Variants in LRRTM3 observed in about 807,000 individuals in gnomAD.
LRRTM3 encodes the protein leucine-rich repeat transmembrane neuronal protein 3.
Under a neutral mutation model 44.7 loss-of-function variants are expected in LRRTM3, and 24 were observed. The ratio of observed to expected loss-of-function variants is 0.54; its 90% CI spans 0.39 to 0.76. The LOEUF is 0.76. Ranked by LOEUF, LRRTM3 falls within the 30% of genes least tolerant of loss-of-function variation. The probability of loss-of-function intolerance (pLI) is 0.00; values close to 1 mark genes in which losing one functional copy is unlikely to be tolerated. For missense variants in LRRTM3, 587 were observed against 702.2 expected, an observed-to-expected ratio of 0.84 and a Z score of 1.85; for synonymous variants, 277 against 278.7, an observed-to-expected ratio of 0.99 and a Z score of 0.06.
chr10:67,004,141 A>G (rs1851839532), intron 2 of LRRTM3, among the ~76,000 whole-genome samples: 1 of 152,098 alleles, frequency 6.6e-6, no homozygotes, highest in African/African-American at 2.4e-5. Flanking sequence ...ATGGCTGTGT[A>G]TCAGCCATGT....
chr10:66,957,580 C>A (rs1848892609), intron 2 of LRRTM3, among the ~76,000 whole-genome samples: 1 of 151,602 alleles, frequency 6.6e-6, no homozygotes, highest in African/African-American at 2.4e-5. Context: ...CTGGTGCTTA[C>A]CAGAGCTGTG....
chr10:67,092,311 T>G (rs1357405096), intron 2 of LRRTM3, among the ~76,000 whole-genome samples: 1 of 151,948 alleles, frequency 6.6e-6, no homozygotes, highest in Non-Finnish European at 1.5e-5. Flanking sequence ...AGTAGAGATA[T>G]TTATACATAC....
At chr10:67,006,281 C>G (rs1197944330) in intron 2 of LRRTM3, among the ~76,000 whole-genome samples, 2 of 152,072 alleles carry the variant, frequency 1.3e-5, no homozygotes, top group Non-Finnish European at 2.9e-5. Context: ...CACCACTTAA[C>G]TATTAAGTGG....
At chr10:67,067,851 T>A (rs1745324406) in intron 2 of LRRTM3, among the ~76,000 whole-genome samples, 1 of 152,182 alleles carries the variant, frequency 6.6e-6, no homozygotes. Context: ...ATAAATGCAA[T>A]GAAATATGAC....
intron 2 of LRRTM3, among the ~76,000 whole-genome samples, chr10:66,970,639 C>T (rs1849668998): frequency 1.3e-5 from 2 of 152,008 alleles, no homozygotes; most frequent in South Asian, 2.1e-4. Flanking sequence ...CTCAAATATC[C>T]ATGAAATATA....
Position 67,051,440 on chromosome 10 carries a change from ATCTTTTTTCTTTTT to A in LRRTM3, c.1537-46131_1537-46118del, listed in dbSNP as rs1264400453. 1.3e-4 allele frequency among the ~76,000 whole-genome samples: 19 copies of A among 147,538 alleles called. 1 individual carries two copies. Among genetic ancestry groups the A allele is most frequent in the East Asian group, 4.1e-4 (2 of 4,862 alleles). On this transcript the variant is annotated intron_variant, in intron 2 of 2. Transcript: ENST00000361320. ...GAAATGCTATCTAATTTCCTTACAC[ATCTTTTTTCTTTTT>A]TCTTTTTTCTTTTTTTTTTTTTGGT... is the stretch of plus-strand genomic sequence containing the variant.
intron 2 of LRRTM3, among the ~76,000 whole-genome samples, chr10:67,017,730 TG>T (rs1394256450): frequency 1.8e-5 from 2 of 112,336 alleles, no homozygotes; most frequent in African/African-American, 6.7e-5. Flanking sequence ...ATCATCTGTG[TG>T]TGTGTGTGTG....
chr10:67,001,578 C>G (rs1399102342), intron 2 of LRRTM3, among the ~76,000 whole-genome samples: 1 of 151,902 alleles, frequency 6.6e-6, no homozygotes, highest in Non-Finnish European at 1.5e-5. Context: ...TATAATATAT[C>G]ATTACTATGT....
chr10:67,088,565 G>A (rs944700097), intron 2 of LRRTM3, among the ~76,000 whole-genome samples: 2 of 151,858 alleles, frequency 1.3e-5, no homozygotes, highest in Middle Eastern at 3.2e-3. Context: ...AAATTTGCAA[G>A]ACACCCATAA....
intron 2 of LRRTM3, among the ~76,000 whole-genome samples, chr10:67,093,332 C>T (rs905289044): frequency 6.6e-6 from 1 of 151,818 alleles, no homozygotes; most frequent in Non-Finnish European, 1.5e-5. Flanking sequence ...GGTAGGTTGA[C>T]TAAGTCATTT....
intron 2 of LRRTM3, among the ~76,000 whole-genome samples, chr10:66,970,236 A>T (rs1564802713): frequency 6.6e-6 from 1 of 152,172 alleles, no homozygotes; most frequent in Non-Finnish European, 1.5e-5. Flanking sequence ...TCAAGCATCC[A>T]CAAAAGTTTA....
intron 2 of LRRTM3, among the ~76,000 whole-genome samples, chr10:67,094,206 C>G (rs1857830319): frequency 6.6e-6 from 1 of 151,734 alleles, no homozygotes; most frequent in Admixed American, 6.6e-5. Context: ...AATATCCCTC[C>G]CTTACAAATT....
intron 2 of LRRTM3, among the ~76,000 whole-genome samples, chr10:67,042,639 C>G (rs1033830943): frequency 6.6e-6 from 1 of 150,586 alleles, no homozygotes; most frequent in Non-Finnish European, 1.5e-5. Context: ...AGAGAAGGAA[C>G]GGAGGAAAAG....
intron 2 of LRRTM3, among the ~76,000 whole-genome samples, chr10:67,080,113 G>A (rs1313767746): frequency 1.3e-5 from 2 of 152,150 alleles, no homozygotes; most frequent in East Asian, 1.9e-4. Context: ...AGAACCAGAA[G>A]GGGTGACAGC....
chr10:67,053,029 T>C (rs1235807651), intron 2 of LRRTM3, among the ~76,000 whole-genome samples: 1 of 152,200 alleles, frequency 6.6e-6, no homozygotes, highest in African/African-American at 2.4e-5. Flanking sequence ...AGAGCAGGTA[T>C]AGAAATTTAG....
rs1407608654 is a variant in LRRTM3, at chr10:66,969,033, TAAAC to T, written c.1536+40585_1536+40588del. Reference sequence around the variant, plus strand: ...CTCCATCTCAAAATAAATAAATAAATAAACAAATATTATATGTAAATATATATAT... The same window carrying T: ...CTCCATCTCAAAATAAATAAATAAATAAATATTATATGTAAATATATATAT... On this transcript the variant is annotated intron_variant, in intron 2 of 2. Transcript: ENST00000361320. Among the ~76,000 whole-genome samples the T allele has an allele frequency of 2.6e-5, 4 of 151,856 alleles. No homozygotes were observed. The East Asian group carries it at 7.7e-4, about 29-fold the overall frequency.
At chr10:67,075,541 C>T (rs80004882) in intron 2 of LRRTM3, among the ~76,000 whole-genome samples, 1,696 of 152,318 alleles carry the variant, frequency 0.011, 34 homozygotes, top group African/African-American at 0.038. Context: ...AGACTACATA[C>T]TTGCAGTTCT....
intron 2 of LRRTM3, among the ~76,000 whole-genome samples, chr10:67,031,735 T>C (rs1853741422): frequency 6.6e-6 from 1 of 152,188 alleles, no homozygotes; most frequent in Non-Finnish European, 1.5e-5. Flanking sequence ...AAAGATAATG[T>C]AATTCTTGTG....
rs57025097 is a variant in LRRTM3 at position 66,996,649 on chromosome 10, CAA to C, written c.1536+68218_1536+68219del. Among the ~76,000 whole-genome samples the C allele has an allele frequency of 3.3e-3, 224 of 67,616 alleles. No homozygotes were observed. The South Asian group carries it at 0.042, about 13-fold the overall frequency. The allele number at this position is 67,616 out of a possible 152,430, so 44.4% of individuals were successfully genotyped here. ...GTGAGAGAGTGAGACTCCGTCTCTACAAAAAAAAAAAAAAAAAAAAAAGCATG... is the reference window on the plus strand; with the variant it reads ...GTGAGAGAGTGAGACTCCGTCTCTACAAAAAAAAAAAAAAAAAAAAGCATG... On this transcript the variant is annotated intron_variant, in intron 2 of 2. Coordinates refer to ENST00000361320, the MANE Select transcript of LRRTM3 (RefSeq NM_178011.5).
Sources: allele counts gnomAD v4.1 joint callset (sites outside exome capture counted in the v4.1 genomes callset), GRCh38; gene constraint gnomAD v4.1.1; transcripts MANE v1.5; gene names NCBI Gene and HGNC (gene_info 2026-07-23, HGNC 2026-07-21).